GRIN3B: variants seen among roughly 807,000 people sequenced by gnomAD.
GRIN3B encodes glutamate ionotropic receptor NMDA type subunit 3B.
Under a neutral mutation model 66.0 loss-of-function variants are expected in GRIN3B, and 77 were observed. The observed-to-expected ratio is 1.17, with a 90% confidence interval of 0.97 to 1.41. GRIN3B has a LOEUF of 1.41. Ranked by LOEUF, GRIN3B falls within the 40% of genes most tolerant of loss-of-function variation. The probability of loss-of-function intolerance (pLI) is 0.00; values close to 1 mark genes in which losing one functional copy is unlikely to be tolerated. For missense variants in GRIN3B, 1,787 were observed against 1,564.5 expected (o/e 1.14, Z -2.40); for synonymous variants, 823 against 749.7 (o/e 1.10, Z -1.60).
At position 1,000,717 on chromosome 19, in the gene GRIN3B, G is replaced by A; in HGVS notation, c.280G>A (p.Ala94Thr). ...CTCGCTGACCCGCGGCCTGTGCCAG[G>A]CGCTGGTGCCTCCGGGCGTGGCGGC... ...PASLTRGLCQ[A>T]LVPPGVAALL... Residue 94 changes from alanine (A) to threonine (T), a missense_variant, in exon 1 of 9, where the codon GCG (alanine) becomes ACG (threonine). Physicochemically the swap from Ala to Thr is moderately conservative, Grantham distance 58. Transcript: ENST00000234389. 7.0e-7 allele frequency: 1 copy of A among 1,425,488 alleles called. No homozygotes were observed. Among genetic ancestry groups the A allele is most frequent in the Non-Finnish European group, 9.2e-7 (1 of 1,091,884 alleles). The allele number at this position is 1,425,488 out of a possible 1,614,324, so 88.3% of individuals were successfully genotyped here.
chr19:1,004,862 C>A lies in GRIN3B; in HGVS notation c.1361C>A (p.Ala454Asp). ...LCLDPGTNDSATLDALFAALA... is the reference protein window; with the variant it reads ...LCLDPGTNDSDTLDALFAALA... ...CTGGACCCTGGCACCAACGACTCGG[C>A]CACCCTGGACGCACTGTTCGCCGCG... The change falls in exon 3 of 9, where the codon GCC becomes GAC. Residue 454 changes from alanine to aspartate, a missense_variant. Coordinates refer to ENST00000234389, the MANE Select transcript of GRIN3B (RefSeq NM_138690.3). 6.2e-7 allele frequency: 1 copy of A among 1,610,902 alleles called. No individual in the cohort carries two copies. Among genetic ancestry groups the A allele is most frequent in the Non-Finnish European group, 8.5e-7 (1 of 1,178,526 alleles).
At position 1,007,759 on chromosome 19, in the gene GRIN3B, C is replaced by T. The variant is rs774101374; in HGVS notation, c.2184C>T (p.Gly728=). 3.3e-6 allele frequency: 5 copies of T among 1,515,596 alleles called. No individual in the cohort carries two copies. The East Asian group carries it at 8.0e-5, about 24-fold the overall frequency. The allele number at this position is 1,515,596 out of a possible 1,614,324, so 93.9% of individuals were successfully genotyped here. Residue 728 remains glycine (G), a synonymous_variant, in exon 4 of 9, where the codon GGC becomes GGT. Coordinates refer to ENST00000234389, the MANE Select transcript of GRIN3B (RefSeq NM_138690.3). This position sits in a 1 kb window ranked among gnomAD's most constrained non-coding sequence, Gnocchi z 4.4. Reference sequence around the variant, plus strand: ...ACAGCGCGCCCACCACGCCCCGCGGCGTCGCCATGCTCACGTGAGCCCGGG... The same window carrying T: ...ACAGCGCGCCCACCACGCCCCGCGGTGTCGCCATGCTCACGTGAGCCCGGG... ...RRHSAPTTPR[G]VAMLTSDPPK... is the part of the protein sequence containing the mutation.
At chr19:1,003,896 G>A (rs1053257376) in intron 2 of GRIN3B, among the ~76,000 whole-genome samples, 174 bp downstream of exon 2, 4 of 152,378 alleles carry the variant, frequency 2.6e-5, no homozygotes, top group East Asian at 1.9e-4. Context: ...AGACCAGCCC[G>A]GCCAACATGG....
At chr19:1,008,421 C>A in intron 6 of GRIN3B, 130 bp downstream of exon 6, 1 of 1,065,508 alleles carries the variant, frequency 9.4e-7, no homozygotes, top group Non-Finnish European at 1.4e-6. Flanking sequence ...CACTTCTATT[C>A]ACCCTACAAA....
In GRIN3B at chr19:1,000,691, C is replaced by G. The variant is rs1217502389; in HGVS notation, c.254C>G (p.Ala85Gly). ...VVAAPPARDP[A>G]SLTRGLCQAL... is the part of the protein sequence containing the mutation. ...GCCGCGCCCCCCGCCCGCGACCCCG[C>G]CTCGCTGACCCGCGGCCTGTGCCAG... Residue 85 changes from alanine (A) to glycine (G), a missense_variant, in exon 1 of 9, where the codon GCC becomes GGC. Coordinates refer to ENST00000234389, the MANE Select transcript of GRIN3B (RefSeq NM_138690.3). The G allele has an allele frequency of 2.2e-6, 3 of 1,366,742 alleles. No individual in the cohort carries two copies. Among genetic ancestry groups the G allele is most frequent in the Non-Finnish European group, 2.8e-6 (3 of 1,057,872 alleles). The allele number at this position is 1,366,742 out of a possible 1,614,324, so 84.7% of individuals were successfully genotyped here.
chr19:1,005,369 G>A lies in GRIN3B; in HGVS notation c.1868G>A (p.Cys623Tyr). The change falls in exon 3 of 9, where the codon TGC becomes TAC. Residue 623 changes from cysteine to tyrosine, a missense_variant. Transcript: ENST00000234389. The surrounding 1 kb of genome is among the most constrained non-coding windows in gnomAD (Gnocchi z 5.2). ...TCCTACTCCTCAGCCCTCAACCTGTGCTACGCCATCCTCTTCAGACGCACC... is the reference window on the plus strand; with the variant it reads ...TCCTACTCCTCAGCCCTCAACCTGTACTACGCCATCCTCTTCAGACGCACC... ...VFSYSSALNL[C>Y]YAILFRRTVS... is the part of the protein sequence containing the mutation. 1.2e-6 allele frequency: 2 copies of A among 1,613,684 alleles called. No individual in the cohort carries two copies. Among genetic ancestry groups the A allele is most frequent in the Non-Finnish European group, 1.7e-6 (2 of 1,180,006 alleles).
In GRIN3B at chr19:1,007,774, G is replaced by C. The variant is rs1199763457; in HGVS notation, c.2198+1G>C. 23 of 1,516,400 alleles carry C rather than the reference G, an allele frequency of 1.5e-5. No homozygotes were observed. The highest frequency in any genetic ancestry group is 7.9e-5 in the East Asian group (3 of 38,148). The allele number at this position is 1,516,400 out of a possible 1,614,324, so 93.9% of individuals were successfully genotyped here. A position where few individuals can be genotyped will look rare whatever the true frequency, so the allele number is the denominator to read the frequency against. ...CGCCCCGCGGCGTCGCCATGCTCACGTGAGCCCGGGCGCGGGGTGAGGCGG... is the reference window on the plus strand; with the variant it reads ...CGCCCCGCGGCGTCGCCATGCTCACCTGAGCCCGGGCGCGGGGTGAGGCGG... On this transcript the variant is annotated splice_donor_variant, in intron 4 of 8. Coordinates refer to ENST00000234389, the MANE Select transcript of GRIN3B (RefSeq NM_138690.3). LOFTEE classifies it high-confidence loss of function. This position sits in a 1 kb window ranked among gnomAD's most constrained non-coding sequence, Gnocchi z 4.4.
At position 1,007,739 on chromosome 19, in the gene GRIN3B, G is replaced by C. The variant is rs1379928315; in HGVS notation, c.2164G>C (p.Ala722Pro). The C allele has an allele frequency of 3.3e-6, 5 of 1,523,466 alleles. No homozygotes were observed. In the African/African-American group the frequency reaches 4.3e-5, roughly 13 times the overall value. 94.4% of individuals were successfully genotyped at this position (1,523,466 alleles called of 1,614,324 possible). Residue 722 changes from alanine (A) to proline (P), a missense_variant, in exon 4 of 9, where the codon GCG (alanine) becomes CCG (proline). Ala to Pro is a conservative substitution (Grantham distance 27). Coordinates refer to ENST00000234389, the MANE Select transcript of GRIN3B (RefSeq NM_138690.3). The surrounding 1 kb of genome is among the most constrained non-coding windows in gnomAD (Gnocchi z 4.4). ...GCACGCACACATGCGGCGCCACAGC[G>C]CGCCCACCACGCCCCGCGGCGTCGC... is the stretch of plus-strand genomic sequence containing the variant. ...DMHAHMRRHS[A>P]PTTPRGVAML...
intron 2 of GRIN3B, among the ~76,000 whole-genome samples, 174 bp from the exon 3 acceptor site, chr19:1,004,347 C>G (rs549410973): frequency 1.3e-5 from 2 of 152,106 alleles, no homozygotes; most frequent in Admixed American, 6.5e-5. Context: ...ACGGATGCCC[C>G]GGGATCAAGG....
rs768703505 is a variant in GRIN3B at position 1,009,462 on chromosome 19, C to T, written c.2992C>T (p.Arg998Cys). ...RRIEVARERL[R>C]QALVRRGQLL... ...CATCGAAGTCGCGCGTGAGCGGCTC[C>T]GCCAGGCCCTGGTGCGGCGCGGCCA... Residue 998 changes from arginine to cysteine, a missense_variant, in exon 9 of 9, where the codon CGC becomes TGC. Transcript: ENST00000234389. 2.7e-6 allele frequency: 4 copies of T among 1,477,988 alleles called. No individual in the cohort carries two copies. The highest frequency in any genetic ancestry group is 2.8e-5 in the East Asian group (1 of 35,252). 91.6% of individuals were successfully genotyped at this position (1,477,988 alleles called of 1,614,324 possible).
In GRIN3B at chr19:1,007,639, G is replaced by T; in HGVS notation, c.2064G>T (p.Pro688=). The T allele has an allele frequency of 1.3e-6, 2 of 1,516,250 alleles. No homozygotes were observed. Among genetic ancestry groups the T allele is most frequent in the Admixed American group, 2.1e-5 (1 of 47,410 alleles). 93.9% of individuals were successfully genotyped at this position (1,516,250 alleles called of 1,614,324 possible). Residue 688 remains proline (P), a synonymous_variant, in exon 4 of 9, where the codon CCG becomes CCT. Transcript: ENST00000234389. The surrounding 1 kb of genome is among the most constrained non-coding windows in gnomAD (Gnocchi z 4.4). ...GGTCCCCCGCGCAGCTGCACCACCCGGCGCAGGGCTTCCGCTTCGGCACCG... is the reference window on the plus strand; with the variant it reads ...GGTCCCCCGCGCAGCTGCACCACCCTGCGCAGGGCTTCCGCTTCGGCACCG... ...SGIHDPKLHH[P]AQGFRFGTVW...
rs1377366520 is a variant in GRIN3B, at chr19:1,009,605, C to T, written c.*3C>T. 2.1e-6 allele frequency: 3 copies of T among 1,426,208 alleles called. No homozygotes were observed. Among genetic ancestry groups the T allele is most frequent in the South Asian group, 1.4e-5 (1 of 69,078 alleles). The allele number at this position is 1,426,208 out of a possible 1,614,324, so 88.3% of individuals were successfully genotyped here. On this transcript the variant is annotated 3_prime_UTR_variant, in exon 9 of 9. Coordinates refer to ENST00000234389, the MANE Select transcript of GRIN3B (RefSeq NM_138690.3). Reference sequence around the variant, plus strand: ...GCCGACCGGGGAGCCAGGAATGAGGCGGCAGCCGGGCCGTTTGGGCTCAAG... The same window carrying T: ...GCCGACCGGGGAGCCAGGAATGAGGTGGCAGCCGGGCCGTTTGGGCTCAAG...
chr19:1,009,242 G>A lies in GRIN3B; in HGVS notation c.2772G>A (p.Ala924=), dbSNP rs1179578772. 12 of 1,442,576 alleles carry A rather than the reference G, an allele frequency of 8.3e-6. No homozygotes were observed. The highest frequency in any genetic ancestry group is 2.8e-5 in the South Asian group (2 of 70,488). 89.4% of individuals were successfully genotyped at this position (1,442,576 alleles called of 1,614,324 possible). A position where few individuals can be genotyped will look rare whatever the true frequency, so the allele number is the denominator to read the frequency against. The change falls in exon 9 of 9, where the codon GCG becomes GCA. Residue 924 remains alanine (A), a synonymous_variant. Coordinates refer to ENST00000234389, the MANE Select transcript of GRIN3B (RefSeq NM_138690.3). ...CGGCTCCGGAGGGCTGGAAACGGGC[G>A]CGCCGGGCCGTGGACAAGGAGCGCC... ...QPTAPEGWKR[A]RRAVDKERRV...
At position 1,003,511 on chromosome 19, in the gene GRIN3B, C is replaced by T. The variant is rs917800956; in HGVS notation, c.808C>T (p.Pro270Ser). ...LGTPLPPKALPTAGLPPGLLA... is the reference protein window; with the variant it reads ...LGTPLPPKALSTAGLPPGLLA... The stretch of plus-strand genomic sequence containing the variant: ...GACACCACTGCCGCCCAAGGCCCTG[C>T]CCACCGCGGGGCTGCCACCAGGGCT... The change falls in exon 2 of 9, where the codon CCC becomes TCC. Residue 270 changes from proline to serine, a missense_variant. Transcript: ENST00000234389. 2 of 1,533,480 alleles carry T rather than the reference C, an allele frequency of 1.3e-6. No homozygotes were observed. The highest frequency in any genetic ancestry group is 1.7e-6 in the Non-Finnish European group (2 of 1,144,854). The allele number at this position is 1,533,480 out of a possible 1,614,324, so 95.0% of individuals were successfully genotyped here. A position where few individuals can be genotyped will look rare whatever the true frequency, so the allele number is the denominator to read the frequency against.
At chr19:1,008,470 T>TC (rs1212973852) in intron 6 of GRIN3B, 148 bp from the exon 7 acceptor site, 3 of 1,050,366 alleles carry the variant, frequency 2.9e-6, no homozygotes, top group East Asian at 2.6e-5. Context: ...GAAACCTCAC[T>TC]CCCCCCAGCC....
Position 1,003,471 on chromosome 19 carries a change from C to T in GRIN3B, c.768C>T (p.Pro256=), listed in dbSNP as rs1283977966. 41 of 1,538,236 alleles carry T rather than the reference C, an allele frequency of 2.7e-5. No individual in the cohort carries two copies. Among genetic ancestry groups the T allele is most frequent in the Non-Finnish European group, 3.5e-5 (40 of 1,147,052 alleles). ...RRVLEAVPPG[P]HWLLGTPLPP... ...TGCTGGAGGCCGTACCTCCCGGCCCCCACTGGCTGTTGGGGACACCACTGC... is the reference window on the plus strand; with the variant it reads ...TGCTGGAGGCCGTACCTCCCGGCCCTCACTGGCTGTTGGGGACACCACTGC... The change falls in exon 2 of 9, where the codon CCC becomes CCT. Residue 256 remains proline (P), a synonymous_variant. Coordinates refer to ENST00000234389, the MANE Select transcript of GRIN3B (RefSeq NM_138690.3).
At position 1,009,207 on chromosome 19, in the gene GRIN3B, G is replaced by C; in HGVS notation, c.2737G>C (p.Asp913His). ...GGTGGAGCAGCAGCAGCAGCAGCAG[G>C]ACCAGCCAACGGCTCCGGAGGGCTG... ...PEVEQQQQQQ[D>H]QPTAPEGWKR... Residue 913 changes from aspartate (D) to histidine (H), a missense_variant, in exon 9 of 9, where the codon GAC (aspartate) becomes CAC (histidine). Transcript: ENST00000234389. The C allele has an allele frequency of 1.4e-6, 2 of 1,475,340 alleles. No individual in the cohort carries two copies. The highest frequency in any genetic ancestry group is 1.8e-6 in the Non-Finnish European group (2 of 1,124,204). The allele number at this position is 1,475,340 out of a possible 1,614,324, so 91.4% of individuals were successfully genotyped here.
chr19:1,008,780 C>A lies in GRIN3B; in HGVS notation c.2629C>A (p.Gln877Lys), dbSNP rs1420025269. ...SRLQYWLHTS[Q>K]KIHRALNTEP... ...GCTGCAGTACTGGCTGCACACCAGCCAGGTGGGGAGCGGGTGGGCGGCGGG... is the reference window on the plus strand; with the variant it reads ...GCTGCAGTACTGGCTGCACACCAGCAAGGTGGGGAGCGGGTGGGCGGCGGG... Residue 877 changes from glutamine (Q) to lysine (K), a missense_variant and splice_region_variant, in exon 7 of 9, where the codon CAG becomes AAG. Coordinates refer to ENST00000234389, the MANE Select transcript of GRIN3B (RefSeq NM_138690.3). 3 of 1,600,820 alleles carry A rather than the reference C, an allele frequency of 1.9e-6. No individual in the cohort carries two copies. In the South Asian group the frequency reaches 3.3e-5, roughly 18 times the overall value.
chr19:1,009,039 C>T (rs1240971416), intron 8 of GRIN3B, 112 bp downstream of exon 8: 1 of 1,457,926 alleles, frequency 6.9e-7, no homozygotes, highest in Non-Finnish European at 9.3e-7. Context: ...GTCCCCCGCC[C>T]ACCCCCGGAC....
Sources: allele counts gnomAD v4.1 joint callset (sites outside exome capture counted in the v4.1 genomes callset), GRCh38; gene constraint gnomAD v4.1.1; non-coding constraint Gnocchi (gnomAD v3.1); transcripts MANE v1.5; gene names NCBI Gene and HGNC (gene_info 2026-07-23, HGNC 2026-07-21).